The following CHRM5 variants were observed in gnomAD, a reference collection of about 807,000 sequenced individuals.
The protein encoded by CHRM5 is muscarinic acetylcholine receptor M5.
A neutral mutation model predicts 39.0 loss-of-function variants in CHRM5; 18 were observed. That is an observed-to-expected ratio of 0.46 (90% confidence interval 0.32 to 0.68). The LOEUF is 0.68. CHRM5 is among the 30% of genes least tolerant of loss of function. The pLI, the probability that CHRM5 is intolerant of heterozygous loss-of-function variation, is 0.04. For missense variants in CHRM5, 515 were observed against 651.1 expected (o/e 0.79, Z 2.28); for synonymous variants, 241 against 246.3 (o/e 0.98, Z 0.20).
chr15:33,978,731 A>G (rs606126), intron 1 of CHRM5, among the ~76,000 whole-genome samples: 147,891 of 152,180 alleles, frequency 0.97, 71,948 homozygotes, highest in Non-Finnish European at 1. Context: ...GTCCCCAGGC[A>G]TTTGAGAAAA....
intron 1 of CHRM5, among the ~76,000 whole-genome samples, chr15:34,028,782 T>C (rs570779241): frequency 5.9e-5 from 9 of 151,986 alleles, no homozygotes; most frequent in African/African-American, 2.2e-4. Flanking sequence ...AACTAGCACA[T>C]GGGGGGTGAG....
chr15:34,058,228 C>A (rs975359771), intron 2 of CHRM5, among the ~76,000 whole-genome samples: 7 of 152,126 alleles, frequency 4.6e-5, no homozygotes, highest in African/African-American at 1.7e-4. Flanking sequence ...TCTGAAAATA[C>A]CTTCGCAGCA....
intron 2 of CHRM5, among the ~76,000 whole-genome samples, chr15:34,061,440 A>T (rs1900333349): frequency 6.6e-6 from 1 of 152,236 alleles, no homozygotes; most frequent in South Asian, 2.1e-4. Flanking sequence ...TAAGTAAAAA[A>T]CAAAATTCAA....
At chr15:34,012,799 C>A (rs1026734950) in intron 1 of CHRM5, among the ~76,000 whole-genome samples, 11 of 152,208 alleles carry the variant, frequency 7.2e-5, no homozygotes, top group African/African-American at 2.4e-4. Context: ...ATAGGTCAAG[C>A]CTCTGCCCTC....
chr15:34,006,758 T>C (rs566649384), intron 1 of CHRM5, among the ~76,000 whole-genome samples: 20 of 152,334 alleles, frequency 1.3e-4, no homozygotes, highest in African/African-American at 3.8e-4. Context: ...GAGTTGTCAT[T>C]AGCCTTCATT....
intron 1 of CHRM5, among the ~76,000 whole-genome samples, chr15:34,029,199 C>T (rs757459378): frequency 2.8e-4 from 43 of 152,098 alleles, no homozygotes; most frequent in Admixed American, 8.5e-4. Context: ...CCCCCACCAC[C>T]GCCACTGCCA....
At chr15:33,972,606 C>T (rs1034456923) in intron 1 of CHRM5, 1 of 152,112 alleles carries the variant, frequency 6.6e-6, no homozygotes. Flanking sequence ...AAGTCTTCAA[C>T]AAATATTTGT....
chr15:34,063,775 A>G lies in CHRM5; in HGVS notation c.1058A>G (p.Lys353Arg), dbSNP rs150113487. 2.5e-4 allele frequency: 396 copies of G among 1,614,102 alleles called. No individual in the cohort carries two copies. The highest frequency in any genetic ancestry group is 2.9e-4 in the Non-Finnish European group (347 of 1,180,054). ...EETFVKAETEKSDYDTPNYLL... is the reference protein window; with the variant it reads ...EETFVKAETERSDYDTPNYLL... ...ACTTTTGTGAAAGCTGAAACTGAAA[A>G]AAGTGACTATGACACCCCAAACTAC... is the stretch of plus-strand genomic sequence containing the variant. The change falls in exon 3 of 3, where the codon AAA (lysine) becomes AGA (arginine). Residue 353 changes from lysine (K) to arginine (R), a missense_variant. Coordinates refer to ENST00000383263, the MANE Select transcript of CHRM5 (RefSeq NM_012125.4). This position sits in a 1 kb window ranked among gnomAD's most constrained non-coding sequence, Gnocchi z 4.1.
chr15:33,975,049 C>T (rs893171955), intron 1 of CHRM5, among the ~76,000 whole-genome samples: 1 of 152,118 alleles, frequency 6.6e-6, no homozygotes, highest in Non-Finnish European at 1.5e-5. Flanking sequence ...TTTCAAACAC[C>T]ATCTTAGATA....
intron 1 of CHRM5, among the ~76,000 whole-genome samples, chr15:33,999,565 C>T (rs1337442850): frequency 6.6e-6 from 1 of 152,136 alleles, no homozygotes; most frequent in African/African-American, 2.4e-5. Flanking sequence ...TGTTCAGACC[C>T]AAAACCTAGT....
chr15:34,010,883 TAAG>T (rs1433008719), intron 1 of CHRM5, among the ~76,000 whole-genome samples: 11 of 152,220 alleles, frequency 7.2e-5, no homozygotes, highest in Non-Finnish European at 1.3e-4. Context: ...GTAAACCTAT[TAAG>T]GTCATTTTTA....
At chr15:34,014,465 A>T (rs921468057) in intron 1 of CHRM5, among the ~76,000 whole-genome samples, 1 of 151,982 alleles carries the variant, frequency 6.6e-6, no homozygotes, top group African/African-American at 2.4e-5. Flanking sequence ...CTGATAAAAA[A>T]TACAAAGAGC....
At chr15:33,983,213 T>C (rs868005186) in intron 1 of CHRM5, among the ~76,000 whole-genome samples, 456 of 36,464 alleles carry the variant, frequency 0.013, 3 homozygotes, top group African/African-American at 0.05. Context: ...TATATATATA[T>C]ACATATATAT....
rs746108100 is a variant in CHRM5, at chr15:34,063,051, G to A, written c.334G>A (p.Val112Met). ...ACDLWLALDY[V>M]ASNASVMNLL... ...TGACCTTTGGCTTGCACTGGACTAC[G>A]TGGCCAGCAACGCTTCTGTCATGAA... is the stretch of plus-strand genomic sequence containing the variant. The change falls in exon 3 of 3, where the codon GTG becomes ATG. Residue 112 changes from valine (V) to methionine (M), a missense_variant. Coordinates refer to ENST00000383263, the MANE Select transcript of CHRM5 (RefSeq NM_012125.4). This position sits in a 1 kb window ranked among gnomAD's most constrained non-coding sequence, Gnocchi z 4.1. The A allele has an allele frequency of 9.9e-6, 16 of 1,614,066 alleles. No homozygotes were observed. Among genetic ancestry groups the A allele is most frequent in the South Asian group, 2.2e-5 (2 of 91,080 alleles).
At chr15:34,031,024 C>T (rs1379951234) in intron 1 of CHRM5, among the ~76,000 whole-genome samples, 1 of 152,092 alleles carries the variant, frequency 6.6e-6, no homozygotes, top group Non-Finnish European at 1.5e-5. Flanking sequence ...GAATATACAT[C>T]TATTAACAAA....
chr15:34,014,882 C>T (rs898052712), intron 1 of CHRM5, among the ~76,000 whole-genome samples: 2 of 152,082 alleles, frequency 1.3e-5, no homozygotes, highest in East Asian at 3.9e-4. Context: ...CTCCTGGGGG[C>T]AGAATTCAAA....
intron 1 of CHRM5, among the ~76,000 whole-genome samples, chr15:34,020,103 A>G (rs1898137182): frequency 6.6e-6 from 1 of 152,102 alleles, no homozygotes; most frequent in Non-Finnish European, 1.5e-5. Context: ...CAAGGTCAGG[A>G]GATCGAGACC....
In CHRM5 at chr15:34,000,429, A is replaced by G. The variant is rs533824785; in HGVS notation, c.-408+31279A>G. Reference sequence around the variant, plus strand: ...GGTCACAATTTAAAAGTCCAACAGTACTAGCTATTTGCAGAGATGACGAAC... The same window carrying G: ...GGTCACAATTTAAAAGTCCAACAGTGCTAGCTATTTGCAGAGATGACGAAC... On this transcript the variant is annotated intron_variant, in intron 1 of 2. Coordinates refer to ENST00000383263, the MANE Select transcript of CHRM5 (RefSeq NM_012125.4). Among the ~76,000 whole-genome samples, 9 of 152,334 alleles carry G rather than the reference A, an allele frequency of 5.9e-5. No individual in the cohort carries two copies. In the South Asian group the frequency reaches 1.0e-3, roughly 18 times the overall value.
At chr15:34,036,581 T>A (rs1014563213) in intron 1 of CHRM5, among the ~76,000 whole-genome samples, 1 of 152,124 alleles carries the variant, frequency 6.6e-6, no homozygotes, top group African/African-American at 2.4e-5. Context: ...CAAGACTAAA[T>A]ACAAACAGTA....
Sources: gnomAD v4.1 joint callset for allele counts (sites outside exome capture counted in the v4.1 genomes callset) on GRCh38, gnomAD v4.1.1 for gene constraint, Gnocchi (gnomAD v3.1) non-coding constraint, MANE v1.5 for transcripts, NCBI Gene and HGNC (gene_info 2026-07-23, HGNC 2026-07-21) for gene names.